Variants in TIAM1 observed in about 807,000 individuals in gnomAD.
TIAM1 encodes the protein TIAM Rac1 associated GEF 1, also known as rho guanine nucleotide exchange factor TIAM1.
A neutral mutation model predicts 163.5 loss-of-function variants in TIAM1; 65 were observed. That is an observed-to-expected ratio of 0.40 (90% CI 0.33 to 0.49). The LOEUF (loss-of-function observed/expected upper bound fraction) is 0.49, where lower values mean the gene tolerates loss of function less well. Among genes scored for constraint, TIAM1 ranks in the 20% least tolerant of loss-of-function variants. The probability of loss-of-function intolerance (pLI) is 0.77; values close to 1 mark genes in which losing one functional copy is unlikely to be tolerated. For missense variants in TIAM1, 1,789 were observed against 2,044.7 expected, an observed-to-expected ratio of 0.87 and a Z score of 2.41; for synonymous variants, 833 against 810.1, an observed-to-expected ratio of 1.03 and a Z score of -0.48.
rs146773296 is a variant in TIAM1 at position 31,320,853 on chromosome 21, G to A, written c.-189+18390C>T. 2.3e-3 allele frequency among the ~76,000 whole-genome samples: 357 copies of A among 152,304 alleles called. 2 individuals carry two copies. Among genetic ancestry groups the A allele is most frequent in the Middle Eastern group, 6.8e-3 (2 of 294 alleles). ...ACTAAAAACACAATAATTAGCCAGCGTGGTGGCACACACCTGTAATCCCAG... is the reference window on the plus strand; with the variant it reads ...ACTAAAAACACAATAATTAGCCAGCATGGTGGCACACACCTGTAATCCCAG... On this transcript the variant is annotated intron_variant, in intron 2 of 27. Coordinates refer to ENST00000541036, the MANE Select transcript of TIAM1 (RefSeq NM_001353694.2).
chr21:31,315,440 G>A (rs1227666491), intron 2 of TIAM1, among the ~76,000 whole-genome samples: 7 of 151,868 alleles, frequency 4.6e-5, no homozygotes, highest in Admixed American at 3.3e-4. Context: ...GCGTGAACCC[G>A]GGAGGCGGAG....
At chr21:31,268,138 T>C (rs1015721045) in intron 3 of TIAM1, among the ~76,000 whole-genome samples, 1 of 152,196 alleles carries the variant, frequency 6.6e-6, no homozygotes, top group African/African-American at 2.4e-5. Context: ...ACTGGGCATA[T>C]CTCTGAGGTG....
chr21:31,409,607 CCT>C (rs1484217489), intron 2 of TIAM1, among the ~76,000 whole-genome samples: 2 of 152,176 alleles, frequency 1.3e-5, no homozygotes, highest in Non-Finnish European at 2.9e-5. Flanking sequence ...CATCACCACC[CCT>C]CTCAAAGCCC....
At chr21:31,482,504 T>C (rs985765259) in intron 1 of TIAM1, among the ~76,000 whole-genome samples, 1 of 152,132 alleles carries the variant, frequency 6.6e-6, no homozygotes, top group African/African-American at 2.4e-5. Context: ...TGGTGCCCTC[T>C]TGTCACCTGG....
At chr21:31,550,799 C>T (rs2048658423) in intron 1 of TIAM1, among the ~76,000 whole-genome samples, 1 of 152,142 alleles carries the variant, frequency 6.6e-6, no homozygotes, top group South Asian at 2.1e-4. Flanking sequence ...AAGAGAAGAT[C>T]AGGACATCCA....
chr21:31,197,539 CTTT>C (rs58141765), intron 12 of TIAM1, among the ~76,000 whole-genome samples: 2 of 123,256 alleles, frequency 1.6e-5, no homozygotes, highest in African/African-American at 3.3e-5. Flanking sequence ...CCGCGCCCGG[CTTT>C]TTTTTTTTTT....
At chr21:31,512,798 T>G (rs2047257213) in intron 1 of TIAM1, among the ~76,000 whole-genome samples, 1 of 151,562 alleles carries the variant, frequency 6.6e-6, no homozygotes, top group African/African-American at 2.4e-5. Flanking sequence ...TTTTTTTGTT[T>G]GTTTGTTTGT....
At chr21:31,238,466 G>A (rs1395441206) in intron 6 of TIAM1, among the ~76,000 whole-genome samples, 1 of 152,164 alleles carries the variant, frequency 6.6e-6, no homozygotes, top group Non-Finnish European at 1.5e-5. Flanking sequence ...TACCTCATGT[G>A]ATCTATTGGG....
chr21:31,503,451 A>G (rs1477387791), intron 1 of TIAM1, among the ~76,000 whole-genome samples: 5 of 81,640 alleles, frequency 6.1e-5, no homozygotes, highest in Non-Finnish European at 9.9e-5. Context: ...AGAAGGAAGG[A>G]AGGAAGGGAG....
chr21:31,182,968 T>A (rs192869674), intron 14 of TIAM1, among the ~76,000 whole-genome samples: 4 of 152,146 alleles, frequency 2.6e-5, no homozygotes, highest in Non-Finnish European at 5.9e-5. Flanking sequence ...TCCTACACTT[T>A]TGGGGCGGGG....
chr21:31,217,463 G>A (rs1351899914), intron 9 of TIAM1, 90 bp downstream of exon 9: 22 of 1,509,838 alleles, frequency 1.5e-5, no homozygotes, highest in Middle Eastern at 1.8e-4. Flanking sequence ...AATAACACTC[G>A]GCCTCACTGA....
At chr21:31,230,311 T>C (rs1400634856) in intron 6 of TIAM1, among the ~76,000 whole-genome samples, 2 of 152,112 alleles carry the variant, frequency 1.3e-5, no homozygotes, top group East Asian at 3.8e-4. Flanking sequence ...GGGACTCAGA[T>C]GACCATTTTT....
chr21:31,479,493 C>T (rs1048734462), intron 1 of TIAM1, among the ~76,000 whole-genome samples: 1 of 151,878 alleles, frequency 6.6e-6, no homozygotes, highest in Admixed American at 6.6e-5. Context: ...GGATGAGCGG[C>T]AGAGGTCTGC....
At chr21:31,181,756 CTTT>C (rs781153297) in intron 15 of TIAM1, among the ~76,000 whole-genome samples, 45 of 41,342 alleles carry the variant, frequency 1.1e-3, no homozygotes, top group Admixed American at 2.0e-3. Context: ...TCTTCTTCTT[CTTT>C]TTTTTTTTTT....
intron 1 of TIAM1, among the ~76,000 whole-genome samples, chr21:31,470,923 G>A (rs1165069735): frequency 1.3e-5 from 2 of 152,200 alleles, no homozygotes; most frequent in Middle Eastern, 3.4e-3. Context: ...CCCTCCAGCC[G>A]CCACCCACCC....
chr21:31,218,824 A>G (rs1455808856), intron 8 of TIAM1, among the ~76,000 whole-genome samples: 3 of 151,996 alleles, frequency 2.0e-5, no homozygotes, highest in Admixed American at 2.0e-4. Flanking sequence ...GGATGTCCCT[A>G]CCTAAGCCTT....
At chr21:31,451,760 T>TGTGTGAGA (rs1491328799) in intron 2 of TIAM1, among the ~76,000 whole-genome samples, 51 of 138,206 alleles carry the variant, frequency 3.7e-4, no homozygotes, top group East Asian at 1.2e-3. Context: ...TGTGTGTGTG[T>TGTGTGAGA]GAGACACAGA....
intron 20 of TIAM1, among the ~76,000 whole-genome samples, chr21:31,144,495 CAG>C (rs2083011682): frequency 6.6e-6 from 1 of 152,124 alleles, no homozygotes; most frequent in South Asian, 2.1e-4. Context: ...TTGTTGTTCT[CAG>C]AGTTATCCTG....
In TIAM1 at chr21:31,482,174, C is replaced by T. The variant is rs139230127; in HGVS notation, c.-421-18139G>A. On this transcript the variant is annotated intron_variant, in intron 1 of 28. Coordinates refer to the TIAM1 transcript ENST00000286827. Reference sequence around the variant, plus strand: ...TAACAAACATCCTTTTTTTTTGAGTCGGAATCTTGCTCTGTCGCTCAGGCT... The same window carrying T: ...TAACAAACATCCTTTTTTTTTGAGTTGGAATCTTGCTCTGTCGCTCAGGCT... 2.3e-3 allele frequency among the ~76,000 whole-genome samples: 345 copies of T among 149,278 alleles called. 4 individuals are homozygous for T. The highest frequency in any genetic ancestry group is 7.7e-3 in the African/African-American group (312 of 40,456).
Sources: allele counts gnomAD v4.1 joint callset (sites outside exome capture counted in the v4.1 genomes callset), GRCh38; gene constraint gnomAD v4.1.1; transcripts MANE v1.5; gene names NCBI Gene and HGNC (gene_info 2026-07-23, HGNC 2026-07-21).